The following MYL10 variants were observed in gnomAD, a reference collection of about 807,000 sequenced individuals.
The protein encoded by MYL10 is myosin light chain 10, also known as myosin regulatory light chain 10.
MYL10 carries 18 observed loss-of-function variants against 21.9 expected under a neutral mutation model. The ratio of observed to expected loss-of-function variants is 0.82; its 90% CI spans 0.57 to 1.22. The LOEUF (loss-of-function observed/expected upper bound fraction) is 1.22. MYL10 is among the 50% of genes most tolerant of loss of function. The pLI, the probability that MYL10 is intolerant of heterozygous loss-of-function variation, is 0.00. For synonymous variants in MYL10, 88 were observed against 82.8 expected, an observed-to-expected ratio of 1.06 and a Z score of -0.34; for missense variants, 225 against 230.4, an observed-to-expected ratio of 0.98 and a Z score of 0.15.
At chr7:101,622,951 T>G (rs770016311) in intron 4 of MYL10, 46 bp downstream of exon 4, 11 of 1,587,630 alleles carry the variant, frequency 6.9e-6, no homozygotes, top group East Asian at 6.7e-5. Context: ...GCCCACTCTG[T>G]CTGGCTGGCC....
At chr7:101,626,126 C>T (rs979277801) in intron 1 of MYL10, among the ~76,000 whole-genome samples, 1 of 152,202 alleles carries the variant, frequency 6.6e-6, no homozygotes, top group Admixed American at 6.5e-5. Flanking sequence ...GGGGGTCACC[C>T]GGATCTGGGT....
intron 1 of MYL10, among the ~76,000 whole-genome samples, chr7:101,627,235 G>T (rs1796756662): frequency 6.6e-6 from 1 of 151,970 alleles, no homozygotes; most frequent in African/African-American, 2.4e-5. Context: ...GGAGGTGGAG[G>T]TTGCAGTGAG....
chr7:101,615,469 G>A (rs1442074015), intron 6 of MYL10, among the ~76,000 whole-genome samples: 1 of 150,598 alleles, frequency 6.6e-6, no homozygotes, highest in Admixed American at 6.6e-5. Context: ...CCCGCCTGCC[G>A]CTCTGTGCTC....
At chr7:101,626,621 A>G (rs1464623769) in intron 1 of MYL10, among the ~76,000 whole-genome samples, 2 of 152,172 alleles carry the variant, frequency 1.3e-5, no homozygotes, top group African/African-American at 4.8e-5. Context: ...AAAGGTGAAC[A>G]GGGGGACCTC....
intron 6 of MYL10, among the ~76,000 whole-genome samples, chr7:101,615,206 G>T (rs906742017): frequency 2.6e-5 from 4 of 152,086 alleles, no homozygotes; most frequent in Non-Finnish European, 4.4e-5. Context: ...TGCCCGAGGC[G>T]GTGCTGGCTA....
chr7:101,620,159 T>C (rs1796660463), intron 5 of MYL10, among the ~76,000 whole-genome samples: 1 of 152,020 alleles, frequency 6.6e-6, no homozygotes, highest in African/African-American at 2.4e-5. Context: ...GTATCTCTAC[T>C]AAAAATACAA....
intron 6 of MYL10, among the ~76,000 whole-genome samples, chr7:101,615,753 G>A (rs1464325171): frequency 6.9e-6 from 1 of 143,970 alleles, no homozygotes; most frequent in Admixed American, 7.2e-5. Context: ...GGAGTGCAAT[G>A]GCGTGATCTC....
intron 6 of MYL10, among the ~76,000 whole-genome samples, chr7:101,614,760 G>T (rs1156645560): frequency 6.6e-6 from 1 of 152,176 alleles, no homozygotes; most frequent in Non-Finnish European, 1.5e-5. Context: ...AGTTGAGAAT[G>T]TGTGAGACGG....
chr7:101,616,290 G>A lies in MYL10; in HGVS notation c.463C>T (p.Pro155Ser). The stretch of plus-strand genomic sequence containing the variant: ...AAGGCGTGGAGAATGGTCTCCTCTG[G>A]GTCCGTGCCTATAAGCAGCACATAC... Reference protein sequence around the residue: ...MFGEKLKGTDPEETILHAFKV... With the variant: ...MFGEKLKGTDSEETILHAFKV... The change falls in exon 6 of 8, where the codon CCA becomes TCA. Residue 155 changes from proline (P) to serine (S), a missense_variant. By Grantham distance (74) the Pro-to-Ser change is moderately conservative. Transcript: ENST00000223167. 1.2e-6 allele frequency: 2 copies of A among 1,613,928 alleles called. No individual in the cohort carries two copies. Among genetic ancestry groups the A allele is most frequent in the African/African-American group, 1.3e-5 (1 of 75,020 alleles).
At chr7:101,628,424 C>G (rs1421861329) in intron 1 of MYL10, among the ~76,000 whole-genome samples, 1 of 152,094 alleles carries the variant, frequency 6.6e-6, no homozygotes, top group Non-Finnish European at 1.5e-5. Context: ...CCACTGCACT[C>G]CAGCCTGGGC....
intron 1 of MYL10, among the ~76,000 whole-genome samples, chr7:101,624,802 G>T (rs187524494): frequency 3.3e-5 from 5 of 152,142 alleles, no homozygotes; most frequent in African/African-American, 9.6e-5. Flanking sequence ...CCTGGAATGC[G>T]TTGCTCTGTT....
At chr7:101,624,694 A>G (rs910577393) in intron 1 of MYL10, among the ~76,000 whole-genome samples, 3 of 152,052 alleles carry the variant, frequency 2.0e-5, no homozygotes, top group Admixed American at 6.6e-5. Context: ...GCCCCACCAC[A>G]GGATCTGCCT....
rs537921580 is a variant in MYL10 at position 101,616,312 on chromosome 7, A to T, written c.455-14T>A. On this transcript the variant is annotated splice_polypyrimidine_tract_variant and intron_variant, in intron 5 of 7. Coordinates refer to ENST00000223167, the MANE Select transcript of MYL10 (RefSeq NM_138403.5). The stretch of plus-strand genomic sequence containing the variant: ...CTGGGTCCGTGCCTATAAGCAGCAC[A>T]TACAGGGCAGGGAGAGAGGCAGGTG... 3.4e-5 allele frequency: 54 copies of T among 1,610,238 alleles called. No individual in the cohort carries two copies. The South Asian group carries it at 5.4e-4, about 16-fold the overall frequency.
At chr7:101,625,597 G>A (rs56212330) in intron 1 of MYL10, among the ~76,000 whole-genome samples, 35,308 of 149,596 alleles carry the variant, frequency 0.24, 4,832 homozygotes, top group Non-Finnish European at 0.32. Flanking sequence ...CCAGGAGCCC[G>A]CGTCGTCGAG....
chr7:101,613,676 A>G lies in MYL10; in HGVS notation c.568T>C (p.Phe190Leu). Residue 190 changes from phenylalanine to leucine, a missense_variant, in exon 7 of 8, where the codon TTC becomes CTC. By Grantham distance (22) the Phe-to-Leu change is conservative. Transcript: ENST00000223167. ...KEKLMTQADRFSEEEVKQMFA... is the reference protein window; with the variant it reads ...KEKLMTQADRLSEEEVKQMFA... The stretch of plus-strand genomic sequence containing the variant: ...TCCCAGTTTACCTCCTCCTCACTGA[A>G]GCGGTCTGCCTGGGTCATAAGTTTT... 6.2e-7 allele frequency: 1 copy of G among 1,614,088 alleles called. No homozygotes were observed. Among genetic ancestry groups the G allele is most frequent in the Non-Finnish European group, 8.5e-7 (1 of 1,180,004 alleles).
At chr7:101,625,394 G>A (rs1480138802) in intron 1 of MYL10, among the ~76,000 whole-genome samples, 1 of 152,190 alleles carries the variant, frequency 6.6e-6, no homozygotes, top group Non-Finnish European at 1.5e-5. Flanking sequence ...AGACGGGGAG[G>A]TGGACGGGAT....
In MYL10 at chr7:101,629,226, G is replaced by A; in HGVS notation, c.-108C>T. 1 of 301,142 alleles carries A rather than the reference G, an allele frequency of 3.3e-6. No individual in the cohort carries two copies. Among genetic ancestry groups the A allele is most frequent in the South Asian group, 2.7e-5 (1 of 36,700 alleles). The allele number at this position is 301,142 out of a possible 1,614,324, so 18.7% of individuals were successfully genotyped here. On this transcript the variant is annotated 5_prime_UTR_variant, in exon 1 of 8. Coordinates refer to ENST00000223167, the MANE Select transcript of MYL10 (RefSeq NM_138403.5). ...TCCCGTTCATAGGGCATGCGATGGG[G>A]GTGTGGCTCGCTTCTTCCATGCCCA...
rs769041899 is a variant in MYL10 at position 101,613,699 on chromosome 7, T to G, written c.545A>C (p.Lys182Thr). ...GFVKADVIKE[K>T]LMTQADRFSE... Reference sequence around the variant, plus strand: ...GAAGCGGTCTGCCTGGGTCATAAGTTTTTCTTTGATGCTGTTCAAGGGAGA... The same window carrying G: ...GAAGCGGTCTGCCTGGGTCATAAGTGTTTCTTTGATGCTGTTCAAGGGAGA... The change falls in exon 7 of 8, where the codon AAA (lysine) becomes ACA (threonine). Residue 182 changes from lysine (K) to threonine (T), a missense_variant. By Grantham distance (78) the Lys-to-Thr change is moderately conservative. Coordinates refer to ENST00000223167, the MANE Select transcript of MYL10 (RefSeq NM_138403.5). 1 of 1,613,948 alleles carries G rather than the reference T, an allele frequency of 6.2e-7. No homozygotes were observed. The highest frequency in any genetic ancestry group is 1.1e-5 in the South Asian group (1 of 91,060).
chr7:101,619,588 A>G (rs1277434984), intron 5 of MYL10, among the ~76,000 whole-genome samples: 1 of 152,118 alleles, frequency 6.6e-6, no homozygotes, highest in African/African-American at 2.4e-5. Context: ...GGTGGCCCCT[A>G]AAAAGAGACG....
Sources: allele counts gnomAD v4.1 joint callset (sites outside exome capture counted in the v4.1 genomes callset), GRCh38; gene constraint gnomAD v4.1.1; transcripts MANE v1.5; gene names NCBI Gene and HGNC (gene_info 2026-07-23, HGNC 2026-07-21).